The following TAF3 variants were observed in gnomAD, a reference collection of about 807,000 sequenced individuals.
The protein encoded by TAF3 is transcription initiation factor TFIID subunit 3.
Under a neutral mutation model 80.6 loss-of-function variants are expected in TAF3, and 7 were observed. The observed-to-expected ratio is 0.09, with a 90% CI of 0.05 to 0.16. The LOEUF is 0.16. TAF3 is among the 10% of genes least tolerant of loss of function. The pLI, the probability that TAF3 is intolerant of heterozygous loss-of-function variation, is 1.00. For synonymous variants in TAF3, 444 were observed against 446.1 expected (o/e 1.00, Z 0.06); for missense variants, 921 against 1,140.2 (o/e 0.81, Z 2.77).
intron 2 of TAF3, among the ~76,000 whole-genome samples, chr10:7,887,209 G>C (rs556726482): frequency 1.5e-4 from 22 of 151,286 alleles, no homozygotes; most frequent in Non-Finnish European, 2.5e-4. Context: ...TCCTGCCTGG[G>C]TGACAGAGCC....
chr10:7,856,707 G>A (rs1837083323), intron 2 of TAF3, among the ~76,000 whole-genome samples: 1 of 151,852 alleles, frequency 6.6e-6, no homozygotes, highest in South Asian at 2.1e-4. Flanking sequence ...CAAATCTAGG[G>A]CAGAAAATCT....
At chr10:7,906,084 T>C (rs1324447838) in intron 2 of TAF3, among the ~76,000 whole-genome samples, 2 of 152,200 alleles carry the variant, frequency 1.3e-5, no homozygotes, top group Non-Finnish European at 2.9e-5. Context: ...CTTGATGCTA[T>C]GAAAGGAGTT....
intron 4 of TAF3, among the ~76,000 whole-genome samples, chr10:7,977,572 C>T (rs1328786508): frequency 6.6e-6 from 1 of 151,900 alleles, no homozygotes; most frequent in Admixed American, 6.6e-5. Context: ...TAGCACCTGA[C>T]ATTATTTCTG....
chr10:7,948,917 A>G (rs1359585577), intron 2 of TAF3, among the ~76,000 whole-genome samples: 1 of 152,182 alleles, frequency 6.6e-6, no homozygotes, highest in Admixed American at 6.5e-5. Context: ...TTATACATGC[A>G]TAGTTGGGGA....
chr10:7,883,552 C>T (rs1195794335), intron 2 of TAF3, among the ~76,000 whole-genome samples: 1 of 152,148 alleles, frequency 6.6e-6, no homozygotes, highest in Admixed American at 6.5e-5. Flanking sequence ...TATGTAAATA[C>T]TCTGTTTCTC....
chr10:7,995,030 A>G (rs960637215), intron 4 of TAF3, among the ~76,000 whole-genome samples: 9 of 151,718 alleles, frequency 5.9e-5, no homozygotes, highest in Non-Finnish European at 1.3e-4. Flanking sequence ...GAGCATTATT[A>G]TAATTATTTG....
In TAF3 at chr10:8,009,031, G is replaced by T. The variant is rs199892027; in HGVS notation, c.2316-47G>T. 20 of 1,564,980 alleles carry T rather than the reference G, an allele frequency of 1.3e-5. No individual in the cohort carries two copies. The highest frequency in any genetic ancestry group is 1.6e-5 in the Non-Finnish European group (19 of 1,153,762). On this transcript the variant is annotated intron_variant, in intron 4 of 6. Transcript: ENST00000344293. The surrounding 1 kb of genome is among the most constrained non-coding windows in gnomAD (Gnocchi z 4.1). ...ATGTTTTTAAGCACGGGTTTGGTTCGATGATGATCCTGTTTTGACTTTTAC... is the reference window on the plus strand; with the variant it reads ...ATGTTTTTAAGCACGGGTTTGGTTCTATGATGATCCTGTTTTGACTTTTAC...
intron 2 of TAF3, among the ~76,000 whole-genome samples, chr10:7,893,067 C>A (rs946328320): frequency 2.6e-5 from 4 of 152,032 alleles, no homozygotes; most frequent in Non-Finnish European, 4.4e-5. Context: ...TGATCCACCC[C>A]CCTTGGCTTC....
chr10:7,830,287 T>C (rs1430274832), intron 2 of TAF3, among the ~76,000 whole-genome samples: 2 of 151,994 alleles, frequency 1.3e-5, no homozygotes, highest in South Asian at 4.2e-4. Flanking sequence ...ACCAGCTATC[T>C]CAGAATAGCT....
intron 5 of TAF3, among the ~76,000 whole-genome samples, chr10:8,012,939 T>C (rs1237239975): frequency 6.6e-6 from 1 of 152,236 alleles, no homozygotes; most frequent in Non-Finnish European, 1.5e-5. Flanking sequence ...TTGCTGGTGT[T>C]GAATGCCCAT....
chr10:7,881,545 A>G (rs1244461), intron 2 of TAF3, among the ~76,000 whole-genome samples: 44,084 of 151,900 alleles, frequency 0.29, 6,651 homozygotes, highest in African/African-American at 0.37. Flanking sequence ...AAATTTAGCA[A>G]TGAAGCTGGA....
intron 1 of TAF3, among the ~76,000 whole-genome samples, chr10:7,821,950 GT>G (rs1836694448): frequency 1.3e-5 from 2 of 152,180 alleles, no homozygotes; most frequent in Non-Finnish European, 2.9e-5. Context: ...AAAAGTACCA[GT>G]AAGGTGTTCA....
intron 2 of TAF3, among the ~76,000 whole-genome samples, chr10:7,862,777 G>A (rs1180891641): frequency 6.6e-6 from 1 of 152,066 alleles, no homozygotes; most frequent in Non-Finnish European, 1.5e-5. Flanking sequence ...GTGAAATCAT[G>A]GTATGTACTG....
At chr10:7,942,960 C>T (rs1018923676) in intron 2 of TAF3, among the ~76,000 whole-genome samples, 5 of 152,238 alleles carry the variant, frequency 3.3e-5, no homozygotes, top group Non-Finnish European at 4.4e-5. Flanking sequence ...ATTTGACCTT[C>T]GTCACAGCCC....
At position 7,965,694 on chromosome 10, in the gene TAF3, A is replaced by T; in HGVS notation, c.2184A>T (p.Arg728Ser). The T allele has an allele frequency of 1.3e-5, 20 of 1,565,240 alleles. No individual in the cohort carries two copies. The highest frequency in any genetic ancestry group is 1.6e-5 in the Non-Finnish European group (19 of 1,165,316). The change falls in exon 3 of 7, where the codon AGA (arginine) becomes AGT (serine). Residue 728 changes from arginine (R) to serine (S), a missense_variant. Transcript: ENST00000344293. ...KKEKEREKEKREREKREKEKE... is the reference protein window; with the variant it reads ...KKEKEREKEKSEREKREKEKE... ...AGAAGGAAAGAGAGAAAGAGAAGAG[A>T]GAGCGAGAGAAGAGAGAAAAAGAGA...
chr10:7,838,059 G>A (rs554022961), intron 2 of TAF3, among the ~76,000 whole-genome samples: 1 of 152,154 alleles, frequency 6.6e-6, no homozygotes, highest in Admixed American at 6.5e-5. Flanking sequence ...GGCAGATGCT[G>A]CTATCATTCC....
At chr10:7,892,144 T>G (rs1837461741) in intron 2 of TAF3, among the ~76,000 whole-genome samples, 1 of 152,278 alleles carries the variant, frequency 6.6e-6, no homozygotes, top group South Asian at 2.1e-4. Flanking sequence ...ATGCATATTA[T>G]GAATGCTTAT....
At chr10:7,836,356 C>A (rs1244500) in intron 2 of TAF3, among the ~76,000 whole-genome samples, 26,959 of 151,130 alleles carry the variant, frequency 0.18, 2,476 homozygotes, top group South Asian at 0.26. Context: ...AATGGCACAA[C>A]CTCCGGCTCC....
intron 2 of TAF3, among the ~76,000 whole-genome samples, chr10:7,921,834 A>T (rs914271664): frequency 3.3e-5 from 5 of 152,138 alleles, no homozygotes; most frequent in African/African-American, 1.2e-4. Context: ...TACTTATTTT[A>T]AAATGATTTT....
Sources: allele counts gnomAD v4.1 joint callset (sites outside exome capture counted in the v4.1 genomes callset), GRCh38; gene constraint gnomAD v4.1.1; non-coding constraint Gnocchi (gnomAD v3.1); transcripts MANE v1.5; gene names NCBI Gene and HGNC (gene_info 2026-07-23, HGNC 2026-07-21).